CLVS1: variants seen among roughly 807,000 people sequenced by gnomAD.
The protein encoded by CLVS1 is clavesin-1.
CLVS1 carries 10 observed loss-of-function variants against 33.1 expected under a neutral mutation model. The ratio of observed to expected loss-of-function variants is 0.30; its 90% CI spans 0.19 to 0.51. The LOEUF is 0.51. Among genes scored for constraint, CLVS1 ranks in the 20% least tolerant of loss-of-function variants. The pLI is 0.97. For synonymous variants in CLVS1, 163 were observed against 166.1 expected (o/e 0.98, Z 0.14); for missense variants, 343 against 433.4 (o/e 0.79, Z 1.85).
At chr8:61,007,356 G>T in the CLVS1 span, among the ~76,000 whole-genome samples, 277 of 152,340 alleles carry the variant, frequency 1.8e-3, no homozygotes, top group African/African-American at 6.3e-3. Context: ...AACCATGGAA[G>T]AGGAAAATAG....
chr8:61,450,890 C>G (rs1381166735), intron 3 of CLVS1, among the ~76,000 whole-genome samples: 5 of 152,112 alleles, frequency 3.3e-5, no homozygotes, highest in African/African-American at 1.2e-4. Flanking sequence ...TTTCTGATCC[C>G]CTGGAAGCCA....
At chr8:61,416,941 A>C (rs2129604388) in intron 3 of CLVS1, among the ~76,000 whole-genome samples, 1 of 152,330 alleles carries the variant, frequency 6.6e-6, no homozygotes, top group African/African-American at 2.4e-5. Context: ...TGGCCAAGGC[A>C]GCGTGAAGTT....
intron 2 of CLVS1, among the ~76,000 whole-genome samples, chr8:61,180,522 C>A (rs1206176553): frequency 6.6e-6 from 1 of 152,086 alleles, no homozygotes; most frequent in Non-Finnish European, 1.5e-5. Context: ...CATAACCTGA[C>A]AAAGAGACAA....
At chr8:61,412,570 T>C (rs909447362) in intron 3 of CLVS1, among the ~76,000 whole-genome samples, 5 of 152,246 alleles carry the variant, frequency 3.3e-5, no homozygotes, top group Non-Finnish European at 5.9e-5. Flanking sequence ...TCTTCCTTAC[T>C]TGTGCACAGC....
the CLVS1 span, among the ~76,000 whole-genome samples, chr8:60,969,338 C>A: frequency 1.3e-5 from 2 of 152,298 alleles, no homozygotes; most frequent in East Asian, 3.9e-4. Context: ...AAAATAAAAA[C>A]CCTGTAGCCC....
At chr8:61,024,686 T>A in the CLVS1 span, among the ~76,000 whole-genome samples, 2 of 152,162 alleles carry the variant, frequency 1.3e-5, no homozygotes, top group African/African-American at 2.4e-5. Flanking sequence ...TTTAGTATGG[T>A]CTTTTTTTGC....
chr8:61,361,510 G>A (rs1812979387), intron 2 of CLVS1, among the ~76,000 whole-genome samples: 3 of 152,152 alleles, frequency 2.0e-5, no homozygotes, highest in African/African-American at 4.8e-5. Context: ...CTGTCTCATA[G>A]TTTGACACAA....
At chr8:61,464,679 AG>A (rs1385292338) in intron 5 of CLVS1, 5 of 152,234 alleles carry the variant, frequency 3.3e-5, no homozygotes, top group African/African-American at 1.2e-4. Context: ...CCAAAATTCA[AG>A]ACTAGCTAGC....
At chr8:61,018,848 A>G in the CLVS1 span, among the ~76,000 whole-genome samples, 1 of 152,332 alleles carries the variant, frequency 6.6e-6, no homozygotes, top group East Asian at 1.9e-4. Flanking sequence ...CTCACTTGCA[A>G]TAGAAGAAAG....
intron 2 of CLVS1, among the ~76,000 whole-genome samples, chr8:61,138,643 T>C (rs1202581800): frequency 6.7e-6 from 1 of 149,828 alleles, no homozygotes; most frequent in African/African-American, 2.5e-5. Context: ...GGTGGGGGGA[T>C]AGGGGTCCAG....
intron 3 of CLVS1, among the ~76,000 whole-genome samples, chr8:61,447,340 T>C (rs912203301): frequency 6.6e-6 from 1 of 152,110 alleles, no homozygotes; most frequent in Non-Finnish European, 1.5e-5. Context: ...TATGCTAATC[T>C]CTTTTAATTG....
At chr8:61,072,014 T>A (rs995950767) in intron 1 of CLVS1, among the ~76,000 whole-genome samples, 2 of 152,228 alleles carry the variant, frequency 1.3e-5, no homozygotes, top group African/African-American at 2.4e-5. Flanking sequence ...AAGGGAGGCA[T>A]CTGAGTCATG....
Position 61,496,609 on chromosome 8 carries a change from T to C in CLVS1, c.978-2846T>C, listed in dbSNP as rs41357647. ...AATAAGTGAGTCCATGAGTCCATTTTGCTTTCAAAGGTTCAGCTTGGTATA... is the reference window on the plus strand; with the variant it reads ...AATAAGTGAGTCCATGAGTCCATTTCGCTTTCAAAGGTTCAGCTTGGTATA... On this transcript the variant is annotated intron_variant, in intron 5 of 5. Transcript: ENST00000325897. 8.6e-3 allele frequency among the ~76,000 whole-genome samples: 1,306 copies of C among 152,324 alleles called. 13 individuals are homozygous for C. The highest frequency in any genetic ancestry group is 0.028 in the African/African-American group (1,175 of 41,576).
chr8:61,007,348 C>T, the CLVS1 span, among the ~76,000 whole-genome samples: 2 of 152,070 alleles, frequency 1.3e-5, no homozygotes, highest in Non-Finnish European at 2.9e-5. Context: ...TGTTACTGAA[C>T]CATGGAAGAG....
chr8:61,365,930 A>G (rs1813194247), intron 2 of CLVS1, among the ~76,000 whole-genome samples: 1 of 152,114 alleles, frequency 6.6e-6, no homozygotes, highest in Admixed American at 6.6e-5. Context: ...AGAATGGCCA[A>G]AACGGAAGTG....
At position 61,415,740 on chromosome 8, in the gene CLVS1, C is replaced by T. The variant is rs373302559; in HGVS notation, c.631-38401C>T. Among the ~76,000 whole-genome samples the T allele has an allele frequency of 5.3e-5, 8 of 152,110 alleles. No homozygotes were observed. In the East Asian group the frequency reaches 1.2e-3, roughly 22 times the overall value. On this transcript the variant is annotated intron_variant, in intron 3 of 5. Coordinates refer to ENST00000325897, the MANE Select transcript of CLVS1 (RefSeq NM_173519.3). ...AATGTTTCCAATGACTGGCCACCTA[C>T]CCTCTTCATTGAAGAGATGAAGTTA...
intron 2 of CLVS1, among the ~76,000 whole-genome samples, chr8:61,258,969 T>C (rs1046054599): frequency 1.4e-4 from 21 of 152,262 alleles, no homozygotes; most frequent in South Asian, 4.2e-4. Context: ...TCCTAATAGA[T>C]ACAAAACATT....
intron 2 of CLVS1, among the ~76,000 whole-genome samples, chr8:61,311,615 C>T (rs1810835950): frequency 2.0e-5 from 3 of 152,322 alleles, no homozygotes; most frequent in African/African-American, 4.8e-5. Flanking sequence ...GCAGTGTGGG[C>T]TTGCAGTGAG....
chr8:61,385,457 A>G (rs1814044216), intron 3 of CLVS1, among the ~76,000 whole-genome samples: 2 of 152,204 alleles, frequency 1.3e-5, no homozygotes, highest in South Asian at 2.1e-4. Flanking sequence ...ACTCTGTTGG[A>G]AAGAAACTCT....
Sources: gnomAD v4.1 joint callset for allele counts (sites outside exome capture counted in the v4.1 genomes callset) on GRCh38, gnomAD v4.1.1 for gene constraint, MANE v1.5 for transcripts, NCBI Gene and HGNC (gene_info 2026-07-23, HGNC 2026-07-21) for gene names.